The following SND1 variants were observed in gnomAD, a reference collection of about 807,000 sequenced individuals.
SND1 encodes the protein staphylococcal nuclease and tudor domain containing 1.
A neutral mutation model predicts 121.7 loss-of-function variants in SND1; 38 were observed. The observed-to-expected ratio is 0.31, with a 90% CI of 0.24 to 0.41. SND1 has a LOEUF of 0.41. SND1 is among the 10% of genes least tolerant of loss of function. SND1 has a pLI of 1.00. For missense variants in SND1, 868 were observed against 1,184.6 expected (o/e 0.73, Z 3.92); for synonymous variants, 401 against 447.4 (o/e 0.90, Z 1.31).
intron 11 of SND1, among the ~76,000 whole-genome samples, chr7:127,829,431 G>C (rs1007603405): frequency 6.6e-6 from 1 of 152,094 alleles, no homozygotes; most frequent in Non-Finnish European, 1.5e-5. Context: ...TTTGGTTGAG[G>C]TTCTCTGAAG....
chr7:127,999,095 GGTGTAGGTTTGGTA>G (rs1193585658), intron 16 of SND1: 2 of 152,368 alleles, frequency 1.3e-5, no homozygotes, highest in East Asian at 3.9e-4. Context: ...TGGGCTGACT[GGTGTAGGTTTGGTA>G]GGCCTCACTG....
chr7:127,853,341 A>G (rs1245308691), intron 12 of SND1, among the ~76,000 whole-genome samples: 1 of 152,198 alleles, frequency 6.6e-6, no homozygotes. Flanking sequence ...ATAGACTTTT[A>G]AAGAAAAATC....
chr7:127,958,421 C>T (rs1801650365), intron 15 of SND1, among the ~76,000 whole-genome samples: 1 of 150,984 alleles, frequency 6.6e-6, no homozygotes, highest in Non-Finnish European at 1.5e-5. Flanking sequence ...AACTCTGGAA[C>T]TATTCAGGGC....
At chr7:127,686,525 GA>G (rs1562978282) in intron 1 of SND1, 87 bp from the exon 2 acceptor site, 2 of 1,386,382 alleles carry the variant, frequency 1.4e-6, no homozygotes, top group African/African-American at 1.4e-5. Flanking sequence ...AATGCTATTT[GA>G]AATGTTGGGG....
chr7:127,864,309 TCTGATGGC>T (rs1197268326), intron 12 of SND1, among the ~76,000 whole-genome samples: 1 of 151,808 alleles, frequency 6.6e-6, no homozygotes, highest in Non-Finnish European at 1.5e-5. Flanking sequence ...TTCAATACAA[TCTGATGGC>T]TTCTCACTTC....
chr7:127,844,734 C>T (rs1225438429), intron 12 of SND1, among the ~76,000 whole-genome samples: 4 of 152,096 alleles, frequency 2.6e-5, no homozygotes, highest in Admixed American at 2.0e-4. Flanking sequence ...TAGATACTGT[C>T]TAAAATGGTC....
chr7:127,808,226 G>C (rs1361072734), intron 11 of SND1, among the ~76,000 whole-genome samples: 1 of 147,376 alleles, frequency 6.8e-6, no homozygotes, highest in Non-Finnish European at 1.5e-5. Flanking sequence ...GCAGAGGTGT[G>C]ATCTCAGCTC....
At chr7:127,939,073 C>G (rs1001740765) in intron 15 of SND1, among the ~76,000 whole-genome samples, 1 of 152,130 alleles carries the variant, frequency 6.6e-6, no homozygotes, top group Non-Finnish European at 1.5e-5. Context: ...GAGAACAGCT[C>G]AGATTTTATA....
intron 10 of SND1, among the ~76,000 whole-genome samples, chr7:127,746,665 C>T (rs1285256882): frequency 3.3e-5 from 5 of 152,152 alleles, no homozygotes; most frequent in South Asian, 2.1e-4. Context: ...TTTATGTGGG[C>T]GGCCTTTTCT....
intron 10 of SND1, among the ~76,000 whole-genome samples, chr7:127,765,308 A>G (rs532631635): frequency 1.3e-5 from 2 of 152,238 alleles, no homozygotes; most frequent in African/African-American, 4.8e-5. Context: ...AAAAAAATGA[A>G]CCTGGCTGGT....
At chr7:127,804,384 ATGTT>A (rs934723913) in intron 10 of SND1, among the ~76,000 whole-genome samples, 61 of 152,040 alleles carry the variant, frequency 4.0e-4, no homozygotes, top group Admixed American at 3.3e-4. Flanking sequence ...TTTTATTGGG[ATGTT>A]TGTTGATACA....
rs764287177 is a variant in SND1, at chr7:128,029,621, G to A, written c.1779+38565G>A. On this transcript the variant is annotated intron_variant, in intron 16 of 23. Transcript: ENST00000354725. This position sits in a 1 kb window ranked among gnomAD's most constrained non-coding sequence, Gnocchi z 4.2. ...GGAAGGAGGCCTGGTCCACCTCCAC[G>A]AGGTAGCGGCCTCGCATGTGCATGG... 34 of 1,613,904 alleles carry A rather than the reference G, an allele frequency of 2.1e-5. No homozygotes were observed. The highest frequency in any genetic ancestry group is 2.5e-5 in the Non-Finnish European group (30 of 1,180,022).
intron 16 of SND1, among the ~76,000 whole-genome samples, chr7:128,003,497 G>A (rs1320322141): frequency 1.3e-5 from 2 of 152,298 alleles, no homozygotes; most frequent in South Asian, 2.1e-4. Context: ...AGCTAGAGGT[G>A]GAAGATCATG....
At chr7:127,849,991 G>A (rs1799135481) in intron 12 of SND1, among the ~76,000 whole-genome samples, 2 of 152,174 alleles carry the variant, frequency 1.3e-5, no homozygotes, top group African/African-American at 4.8e-5. Flanking sequence ...AGTCTTCGTG[G>A]ATAGCGCTTA....
At chr7:127,997,667 T>G (rs1259645214) in intron 16 of SND1, 2 of 518,706 alleles carry the variant, frequency 3.9e-6, no homozygotes, top group Admixed American at 3.9e-5. Flanking sequence ...TCAGTTTACA[T>G]ATATTCTTGA....
At position 127,710,462 on chromosome 7, in the gene SND1, A is replaced by T. The variant is rs1010046235; in HGVS notation, c.1038+2815A>T. ...AAGCTTACTACAAAAAAAAAAAAAA[A>T]AGTCAGCAATGTTCTTAGTGATGTA... On this transcript the variant is annotated intron_variant, in intron 9 of 23. Coordinates refer to ENST00000354725, the MANE Select transcript of SND1 (RefSeq NM_014390.4). Among the ~76,000 whole-genome samples, 101 of 152,074 alleles carry T rather than the reference A, an allele frequency of 6.6e-4. 1 individual carries two copies. The highest frequency in any genetic ancestry group is 2.1e-3 in the African/African-American group (89 of 41,518).
chr7:127,752,006 C>T (rs1797105857), intron 10 of SND1, among the ~76,000 whole-genome samples: 1 of 152,260 alleles, frequency 6.6e-6, no homozygotes, highest in Admixed American at 6.5e-5. Context: ...CATCTTTTTC[C>T]TTGCTGCTCT....
chr7:127,941,514 C>T (rs1234743613), intron 15 of SND1, among the ~76,000 whole-genome samples: 1 of 152,154 alleles, frequency 6.6e-6, no homozygotes. Flanking sequence ...CATTTCCCTG[C>T]CCTTGTGTGC....
rs1459650370 is a variant in SND1, at chr7:128,085,019, T to A, written c.2234+172T>A. 1.3e-5 allele frequency among the ~76,000 whole-genome samples: 2 copies of A among 152,178 alleles called. No individual in the cohort carries two copies. The highest frequency in any genetic ancestry group is 4.1e-4 in the South Asian group (2 of 4,834). On this transcript the variant is annotated intron_variant, in intron 19 of 23. Coordinates refer to ENST00000354725, the MANE Select transcript of SND1 (RefSeq NM_014390.4). The surrounding 1 kb of genome is among the most constrained non-coding windows in gnomAD (Gnocchi z 4.4). ...GCCCACAGCCCATCTGGGGCCTTGC[T>A]CTGGCCTGTGCACCCCTGCAGTCCA...
Sources: gnomAD v4.1 joint callset for allele counts (sites outside exome capture counted in the v4.1 genomes callset) on GRCh38, gnomAD v4.1.1 for gene constraint, Gnocchi (gnomAD v3.1) non-coding constraint, MANE v1.5 for transcripts, NCBI Gene and HGNC (gene_info 2026-07-23, HGNC 2026-07-21) for gene names.